DISC1: variants seen among roughly 807,000 people sequenced by gnomAD.
DISC1 encodes the protein DISC1 scaffold protein.
A neutral mutation model predicts 84.5 loss-of-function variants in DISC1; 57 were observed. The ratio of observed to expected loss-of-function variants is 0.67; its 90% CI spans 0.55 to 0.84. The LOEUF is 0.84. DISC1 is among the 40% of genes least tolerant of loss of function. The probability of loss-of-function intolerance (pLI) is 0.00; values close to 1 mark genes in which losing one functional copy is unlikely to be tolerated. For synonymous variants in DISC1, 411 were observed against 415.2 expected (o/e 0.99, Z 0.12); for missense variants, 1,000 against 1,057.8 (o/e 0.95, Z 0.76).
chr1:231,666,979 C>G (rs1054750132), intron 1 of DISC1, among the ~76,000 whole-genome samples: 21 of 152,104 alleles, frequency 1.4e-4, no homozygotes, highest in Admixed American at 1.4e-3. Flanking sequence ...TATTTCCAGG[C>G]GAATATTCAA....
chr1:231,795,367 G>T lies in DISC1; in HGVS notation c.1689+71G>T, dbSNP rs997434754. On this transcript the variant is annotated intron_variant, in intron 7 of 12. Transcript: ENST00000439617. ...TTCGTTTGACTTGATTTTACATCTAGATCTTAGGATACCTGGCTTCTGCAA... is the reference window on the plus strand; with the variant it reads ...TTCGTTTGACTTGATTTTACATCTATATCTTAGGATACCTGGCTTCTGCAA... The T allele has an allele frequency of 1.7e-4, 231 of 1,356,056 alleles. 2 individuals are homozygous for T. The highest frequency in any genetic ancestry group is 2.3e-4 in the Non-Finnish European group (217 of 956,888). The allele number at this position is 1,356,056 out of a possible 1,614,324, so 84.0% of individuals were successfully genotyped here.
At chr1:231,708,198 T>C (rs2124979603) in intron 3 of DISC1, among the ~76,000 whole-genome samples, 1 of 152,238 alleles carries the variant, frequency 6.6e-6, no homozygotes, top group Middle Eastern at 3.4e-3. Flanking sequence ...TCCGCGGAGA[T>C]TAGTATGAGT....
At chr1:231,915,524 C>T (rs905944255) in intron 9 of DISC1, among the ~76,000 whole-genome samples, 6 of 152,206 alleles carry the variant, frequency 3.9e-5, no homozygotes, top group African/African-American at 1.4e-4. Context: ...TGGCTCACGC[C>T]TATAATCCCA....
chr1:231,771,984 TTAA>T (rs1450164115), intron 6 of DISC1, among the ~76,000 whole-genome samples: 2 of 151,550 alleles, frequency 1.3e-5, no homozygotes, highest in East Asian at 3.9e-4. Context: ...TTTTTTTTTT[TTAA>T]GTTTTTTGCA....
chr1:231,910,942 T>C (rs1424182995), intron 9 of DISC1, among the ~76,000 whole-genome samples: 1 of 152,222 alleles, frequency 6.6e-6, no homozygotes, highest in Non-Finnish European at 1.5e-5. Context: ...GCCTTCTTTG[T>C]CTCTTTTGAT....
chr1:231,779,928 G>T (rs1458817865), intron 6 of DISC1, among the ~76,000 whole-genome samples: 1 of 152,104 alleles, frequency 6.6e-6, no homozygotes, highest in African/African-American at 2.4e-5. Flanking sequence ...AATGGCTTCT[G>T]CCGGAGGCTA....
At chr1:231,882,932 T>C (rs1412017806) in intron 9 of DISC1, among the ~76,000 whole-genome samples, 1 of 151,706 alleles carries the variant, frequency 6.6e-6, no homozygotes, top group Non-Finnish European at 1.5e-5. Context: ...GTATCAGATA[T>C]GTAGGAGAAG....
intron 1 of DISC1, among the ~76,000 whole-genome samples, chr1:231,686,472 G>A (rs1019515253): frequency 5.3e-5 from 8 of 152,196 alleles, no homozygotes; most frequent in Non-Finnish European, 8.8e-5. Flanking sequence ...GCCACGGCCC[G>A]AGCTCTATGT....
chr1:232,001,879 G>A (rs899051401), intron 10 of DISC1, among the ~76,000 whole-genome samples: 5 of 152,168 alleles, frequency 3.3e-5, no homozygotes, highest in Non-Finnish European at 5.9e-5. Context: ...AGGAAACATT[G>A]ATAAACTGAA....
At chr1:231,683,414 A>T (rs1007002406) in intron 1 of DISC1, among the ~76,000 whole-genome samples, 4 of 146,288 alleles carry the variant, frequency 2.7e-5, no homozygotes, top group African/African-American at 1.0e-4. Context: ...TTTTTAAAAG[A>T]TACCACCATG....
At chr1:231,721,693 G>A (rs139339641) in intron 3 of DISC1, among the ~76,000 whole-genome samples, 2,576 of 152,222 alleles carry the variant, frequency 0.017, 33 homozygotes, top group Non-Finnish European at 0.027. Context: ...AGGAGCCTCA[G>A]AGATGCCTTA....
chr1:231,818,755 A>G, intron 9 of DISC1: 1 of 1,370,996 alleles, frequency 7.3e-7, no homozygotes, highest in Non-Finnish European at 9.4e-7. Flanking sequence ...CCCTGTCTCA[A>G]CCTGTGTTTG....
intron 10 of DISC1, among the ~76,000 whole-genome samples, chr1:232,005,703 T>C (rs954691436): frequency 2.0e-5 from 3 of 152,200 alleles, no homozygotes; most frequent in Non-Finnish European, 4.4e-5. Context: ...TGTTAATTAA[T>C]ATGTCCAAAA....
chr1:231,863,314 T>C (rs2084816784), intron 9 of DISC1, among the ~76,000 whole-genome samples: 1 of 139,304 alleles, frequency 7.2e-6, no homozygotes, highest in Non-Finnish European at 1.5e-5. Flanking sequence ...CACTGCGGTC[T>C]CTGCCTCCCA....
chr1:231,923,929 A>C (rs986562635), intron 9 of DISC1, among the ~76,000 whole-genome samples: 1 of 152,156 alleles, frequency 6.6e-6, no homozygotes, highest in Non-Finnish European at 1.5e-5. Context: ...ATGGGAGCTT[A>C]GGGGCTATGT....
At chr1:231,837,970 T>C (rs2082742398) in intron 9 of DISC1, among the ~76,000 whole-genome samples, 1 of 152,222 alleles carries the variant, frequency 6.6e-6, no homozygotes, top group African/African-American at 2.4e-5. Context: ...AGAGGCATTT[T>C]TTCTCTAAGA....
chr1:232,026,607 T>C, intron 12 of DISC1, 55 bp downstream of exon 12: 2 of 1,375,346 alleles, frequency 1.5e-6, no homozygotes, highest in Non-Finnish European at 2.0e-6. Flanking sequence ...TAAAAGAGAG[T>C]CTTTAAAGGG....
At chr1:231,938,325 A>G (rs925197110) in intron 9 of DISC1, among the ~76,000 whole-genome samples, 2 of 152,196 alleles carry the variant, frequency 1.3e-5, no homozygotes, top group South Asian at 2.1e-4. Context: ...AGGAGGAGCC[A>G]TGAGGCAGAG....
chr1:231,808,523 G>T (rs919490869), intron 8 of DISC1, among the ~76,000 whole-genome samples: 2 of 152,202 alleles, frequency 1.3e-5, no homozygotes, highest in African/African-American at 4.8e-5. Flanking sequence ...TCTGTTCTGA[G>T]AGCCCCCAGC....
Sources: allele counts gnomAD v4.1 joint callset (sites outside exome capture counted in the v4.1 genomes callset), GRCh38; gene constraint gnomAD v4.1.1; transcripts MANE v1.5; gene names NCBI Gene and HGNC (gene_info 2026-07-23, HGNC 2026-07-21).